The following ZMIZ1 variants were observed in gnomAD, a reference collection of about 807,000 sequenced individuals.
ZMIZ1 encodes zinc finger MIZ-type containing 1.
In ZMIZ1, 17 loss-of-function variants were observed where a neutral mutation model predicts 113.9. The observed-to-expected ratio is 0.15, with a 90% CI of 0.10 to 0.22. ZMIZ1 has a LOEUF of 0.22. Ranked by LOEUF, ZMIZ1 falls within the 10% of genes least tolerant of loss-of-function variation. The pLI, the probability that ZMIZ1 is intolerant of heterozygous loss-of-function variation, is 1.00. For missense variants in ZMIZ1, 1,059 were observed against 1,477.8 expected, an observed-to-expected ratio of 0.72 and a Z score of 4.65; for synonymous variants, 607 against 603.1, an observed-to-expected ratio of 1.01 and a Z score of -0.09.
intron 1 of ZMIZ1, among the ~76,000 whole-genome samples, chr10:79,094,881 C>T (rs998985747): frequency 4.6e-5 from 7 of 151,332 alleles, no homozygotes; most frequent in African/African-American, 1.5e-4. Flanking sequence ...CCCAGGAGGT[C>T]GAGGCTGTAG....
intron 8 of ZMIZ1, among the ~76,000 whole-genome samples, chr10:79,278,218 C>A (rs1852429827): frequency 6.6e-6 from 1 of 152,172 alleles, no homozygotes; most frequent in Non-Finnish European, 1.5e-5. Flanking sequence ...CCTCCCTGGG[C>A]CTGATTGCCC....
chr10:79,263,473 T>C (rs1018145594), intron 7 of ZMIZ1, among the ~76,000 whole-genome samples: 1 of 152,136 alleles, frequency 6.6e-6, no homozygotes, highest in African/African-American at 2.4e-5. Flanking sequence ...TCCTGCCCCT[T>C]GTTACCACGG....
chr10:79,146,962 GTGTGTGTGTGTA>G (rs1262216602), intron 3 of ZMIZ1, among the ~76,000 whole-genome samples: 1 of 132,306 alleles, frequency 7.6e-6, no homozygotes, highest in Non-Finnish European at 1.7e-5. Context: ...GTGTGTGTGT[GTGTGTGTGTGTA>G]TATCCCTGTC....
Position 79,291,730 on chromosome 10 carries a change from C to A in ZMIZ1, c.759-428C>A, listed in dbSNP as rs372079799. Among the ~76,000 whole-genome samples the A allele has an allele frequency of 2.6e-5, 4 of 152,234 alleles. No homozygotes were observed. In the East Asian group the frequency reaches 7.7e-4, roughly 29 times the overall value. On this transcript the variant is annotated intron_variant, in intron 10 of 24. Coordinates refer to ENST00000334512, the MANE Select transcript of ZMIZ1 (RefSeq NM_020338.4). ...TCTTTCCACCCCGCCCTGCCTAAGA[C>A]CCCCACCTTGGCCTCAGCCCTCACC...
In ZMIZ1 at chr10:79,296,392, T is replaced by C; in HGVS notation, c.1231-79T>C. 6.7e-7 allele frequency: 1 copy of C among 1,503,460 alleles called. No individual in the cohort carries two copies. Among genetic ancestry groups the C allele is most frequent in the Non-Finnish European group, 9.2e-7 (1 of 1,089,088 alleles). 93.1% of individuals were successfully genotyped at this position (1,503,460 alleles called of 1,614,324 possible). ...AGCAAATGAGGAGAGGCGGGCCCCA[T>C]CCCGTTGTTCAGGTGACCTGGCTAT... On this transcript the variant is annotated intron_variant, in intron 12 of 24. Coordinates refer to ENST00000334512, the MANE Select transcript of ZMIZ1 (RefSeq NM_020338.4). This position sits in a 1 kb window ranked among gnomAD's most constrained non-coding sequence, Gnocchi z 4.1.
intron 3 of ZMIZ1, among the ~76,000 whole-genome samples, chr10:79,141,599 G>A (rs1184869607): frequency 1.3e-5 from 2 of 152,182 alleles, no homozygotes; most frequent in East Asian, 1.9e-4. Flanking sequence ...GTAGAGATGG[G>A]GTTTTCCCAT....
intron 1 of ZMIZ1, among the ~76,000 whole-genome samples, chr10:79,073,831 G>C (rs1362983967): frequency 7.9e-6 from 1 of 126,768 alleles, no homozygotes; most frequent in Non-Finnish European, 1.8e-5. Context: ...GAGGGCTGGG[G>C]TTGGGTCGGG....
intron 1 of ZMIZ1, among the ~76,000 whole-genome samples, chr10:79,115,740 GA>G (rs943545254): frequency 1.3e-5 from 2 of 152,240 alleles, no homozygotes; most frequent in Non-Finnish European, 2.9e-5. Flanking sequence ...GAGGCCCTTA[GA>G]GGGGTGGCCA....
At chr10:79,230,906 AAGG>A (rs1368041915) in intron 7 of ZMIZ1, among the ~76,000 whole-genome samples, 1 of 152,202 alleles carries the variant, frequency 6.6e-6, no homozygotes, top group Non-Finnish European at 1.5e-5. Context: ...CCCTCTAAAG[AAGG>A]AGGGCACAGG....
intron 4 of ZMIZ1, among the ~76,000 whole-genome samples, chr10:79,169,956 A>G (rs1331682109): frequency 2.0e-5 from 3 of 152,190 alleles, no homozygotes. Context: ...TCCAGAGACA[A>G]TGGACCCCCA....
chr10:79,148,708 C>A (rs890847181), intron 3 of ZMIZ1, among the ~76,000 whole-genome samples: 1 of 152,240 alleles, frequency 6.6e-6, no homozygotes, highest in South Asian at 2.1e-4. Context: ...ATGTCCCCAG[C>A]CTCAGCTTGC....
In ZMIZ1 at chr10:79,314,657, C is replaced by T. The variant is rs1487173796; in HGVS notation, c.*1908C>T. 5.5e-6 allele frequency: 1 copy of T among 181,986 alleles called. No homozygotes were observed. Among genetic ancestry groups the T allele is most frequent in the Non-Finnish European group, 1.2e-5 (1 of 86,648 alleles). The allele number at this position is 181,986 out of a possible 1,614,324, so 11.3% of individuals were successfully genotyped here. On this transcript the variant is annotated 3_prime_UTR_variant, in exon 25 of 25. Coordinates refer to ENST00000334512, the MANE Select transcript of ZMIZ1 (RefSeq NM_020338.4). ...TGCTGGTGTTTTTAAAATACCTGGACTCAATGACAAAGACCGAGTCTTCTT... is the reference window on the plus strand; with the variant it reads ...TGCTGGTGTTTTTAAAATACCTGGATTCAATGACAAAGACCGAGTCTTCTT...
intron 1 of ZMIZ1, among the ~76,000 whole-genome samples, chr10:79,088,360 C>T (rs553717150): frequency 2.6e-4 from 40 of 152,288 alleles, no homozygotes; most frequent in African/African-American, 9.6e-4. Flanking sequence ...GGGCTGGGGC[C>T]TCATATGCAC....
chr10:79,285,005 C>CA (rs2132005485), intron 8 of ZMIZ1, among the ~76,000 whole-genome samples: 1 of 152,316 alleles, frequency 6.6e-6, no homozygotes, highest in East Asian at 1.9e-4. Context: ...CAAGAACCCC[C>CA]AGGAAGATGC....
intron 11 of ZMIZ1, 137 bp downstream of exon 11, chr10:79,292,493 C>A: frequency 8.3e-7 from 1 of 1,198,742 alleles, no homozygotes; most frequent in Non-Finnish European, 1.2e-6. Context: ...TGCATTTGGG[C>A]TTTCATGGAA....
At chr10:79,149,501 G>A (rs780333311) in intron 3 of ZMIZ1, among the ~76,000 whole-genome samples, 5 of 152,170 alleles carry the variant, frequency 3.3e-5, no homozygotes, top group African/African-American at 4.8e-5. Flanking sequence ...GAATGGGCTG[G>A]ATTCACCTGG....
At chr10:79,204,678 G>A (rs1848238736) in intron 5 of ZMIZ1, among the ~76,000 whole-genome samples, 1 of 152,224 alleles carries the variant, frequency 6.6e-6, no homozygotes, top group African/African-American at 2.4e-5. Flanking sequence ...TCAGAGTGGG[G>A]CCCAGCTATT....
intron 4 of ZMIZ1, among the ~76,000 whole-genome samples, chr10:79,175,345 T>C (rs547258376): frequency 6.6e-6 from 1 of 152,308 alleles, no homozygotes; most frequent in Non-Finnish European, 1.5e-5. Flanking sequence ...TCTGCCTCCT[T>C]CTGTGTGTGG....
intron 8 of ZMIZ1, among the ~76,000 whole-genome samples, chr10:79,286,362 G>T (rs1853076292): frequency 6.6e-6 from 1 of 152,262 alleles, no homozygotes; most frequent in Admixed American, 6.5e-5. Context: ...CAGCAGGGCT[G>T]CTGTGGGGGC....
Sources: allele counts gnomAD v4.1 joint callset (sites outside exome capture counted in the v4.1 genomes callset), GRCh38; gene constraint gnomAD v4.1.1; non-coding constraint Gnocchi (gnomAD v3.1); transcripts MANE v1.5; gene names NCBI Gene and HGNC (gene_info 2026-07-23, HGNC 2026-07-21).